SGK3: variants seen among roughly 807,000 people sequenced by gnomAD.
The protein encoded by SGK3 is serine/threonine-protein kinase Sgk3.
Under a neutral mutation model 68.5 loss-of-function variants are expected in SGK3, and 47 were observed. That is an observed-to-expected ratio of 0.69 (90% CI 0.54 to 0.87). The LOEUF is 0.87. Among genes scored for constraint, SGK3 ranks in the 40% least tolerant of loss-of-function variants. The pLI is 0.00. For missense variants in SGK3, 479 were observed against 575.5 expected, an observed-to-expected ratio of 0.83 and a Z score of 1.72; for synonymous variants, 181 against 189.1, an observed-to-expected ratio of 0.96 and a Z score of 0.35.
At chr8:66,782,048 C>T (rs76378745) in intron 1 of SGK3, among the ~76,000 whole-genome samples, 7 of 152,202 alleles carry the variant, frequency 4.6e-5, no homozygotes, top group African/African-American at 1.7e-4. Flanking sequence ...CAAAGATGTC[C>T]TTTGTTTCTG....
chr8:66,840,321 C>A, intron 12 of SGK3, 74 bp downstream of exon 12: 1 of 1,348,524 alleles, frequency 7.4e-7, no homozygotes, highest in South Asian at 1.4e-5. Flanking sequence ...CAAAAAAAGT[C>A]TCAGAGATTC....
chr8:66,751,851 C>T (rs566293606), intron 1 of SGK3, among the ~76,000 whole-genome samples: 25 of 151,898 alleles, frequency 1.6e-4, no homozygotes, highest in Non-Finnish European at 2.4e-4. Context: ...CCGCAACCTC[C>T]GACTCCCGGG....
chr8:66,719,920 A>G (rs762893379), intron 1 of SGK3, among the ~76,000 whole-genome samples: 2 of 152,198 alleles, frequency 1.3e-5, no homozygotes, highest in Non-Finnish European at 2.9e-5. Flanking sequence ...GTGCATGTGC[A>G]TATCTTCAAT....
chr8:66,799,396 A>G (rs1807834638), intron 3 of SGK3, among the ~76,000 whole-genome samples: 1 of 152,160 alleles, frequency 6.6e-6, no homozygotes, highest in Non-Finnish European at 1.5e-5. Context: ...ACACCATCTA[A>G]AAAAATAAAG....
chr8:66,729,386 G>T (rs1353402716), intron 1 of SGK3, among the ~76,000 whole-genome samples: 4 of 152,026 alleles, frequency 2.6e-5, no homozygotes, highest in Non-Finnish European at 4.4e-5. Flanking sequence ...AACCAGGGAG[G>T]TGGAGCTTGC....
chr8:66,823,251 C>G (rs562588700), intron 6 of SGK3, among the ~76,000 whole-genome samples: 143 of 152,272 alleles, frequency 9.4e-4, no homozygotes, highest in African/African-American at 3.2e-3. Context: ...CACATTACAT[C>G]CCACTTACTC....
At chr8:66,741,490 C>T (rs1805478333) in intron 1 of SGK3, among the ~76,000 whole-genome samples, 2 of 152,032 alleles carry the variant, frequency 1.3e-5, no homozygotes, top group Admixed American at 1.3e-4. Context: ...GTGGAGGTTG[C>T]AGTGAGCTGA....
chr8:66,810,421 C>G (rs796208557), intron 4 of SGK3, among the ~76,000 whole-genome samples: 4 of 152,344 alleles, frequency 2.6e-5, no homozygotes, highest in African/African-American at 9.6e-5. Context: ...ATAAAGTCAG[C>G]TGGGAGCGGT....
At chr8:66,721,542 T>A (rs1271811164) in intron 1 of SGK3, among the ~76,000 whole-genome samples, 1 of 152,192 alleles carries the variant, frequency 6.6e-6, no homozygotes, top group Admixed American at 6.5e-5. Flanking sequence ...AAAGAACTAG[T>A]GGTTTCAACC....
At chr8:66,836,184 A>G (rs1305363667) in intron 10 of SGK3, 110 bp downstream of exon 10, 3 of 1,378,132 alleles carry the variant, frequency 2.2e-6, no homozygotes, top group Non-Finnish European at 2.9e-6. Flanking sequence ...AGCTTTTTAT[A>G]GCAATAATAT....
intron 15 of SGK3, among the ~76,000 whole-genome samples, chr8:66,848,623 C>T (rs191182763): frequency 6.6e-6 from 1 of 152,320 alleles, no homozygotes; most frequent in Admixed American, 6.5e-5. Flanking sequence ...CACCTGTGCA[C>T]TGTATCCTGT....
intron 16 of SGK3, among the ~76,000 whole-genome samples, chr8:66,856,450 G>A (rs947596627): frequency 3.3e-5 from 5 of 152,008 alleles, no homozygotes; most frequent in Admixed American, 6.6e-5. Flanking sequence ...TTTGGATTTG[G>A]GATTGTTTTT....
Position 66,843,540 on chromosome 8 carries a change from A to G in SGK3, c.1067A>G (p.Tyr356Cys). ...GGGGCTGTTCTGTATGAAATGCTGT[A>G]TGGATTGGTATGTATTTCTATACCT... ...CLGAVLYEML[Y>C]GLPPFYCRDV... The change falls in exon 14 of 17, where the codon TAT (tyrosine) becomes TGT (cysteine). Residue 356 changes from tyrosine to cysteine, a missense_variant. Physicochemically the swap from Tyr to Cys is radical, Grantham distance 194 (BLOSUM62 -2). Transcript: ENST00000521198. 1.9e-6 allele frequency: 3 copies of G among 1,613,548 alleles called. No homozygotes were observed. The highest frequency in any genetic ancestry group is 1.7e-6 in the Non-Finnish European group (2 of 1,179,710).
intron 1 of SGK3, among the ~76,000 whole-genome samples, chr8:66,752,584 G>A (rs1279793357): frequency 1.3e-5 from 2 of 152,014 alleles, no homozygotes; most frequent in East Asian, 3.9e-4. Flanking sequence ...GAGTTACCCT[G>A]TGAAAAACTG....
chr8:66,836,771 CTTTT>C (rs35857638), intron 10 of SGK3, among the ~76,000 whole-genome samples: 2 of 118,096 alleles, frequency 1.7e-5, no homozygotes, highest in Non-Finnish European at 1.8e-5. Flanking sequence ...GTCAGGATAT[CTTTT>C]TTTTTTTTTT....
intron 1 of SGK3, chr8:66,775,142 C>A (rs1361642158): frequency 4.6e-5 from 7 of 152,388 alleles, no homozygotes; most frequent in African/African-American, 1.7e-4. Flanking sequence ...CGGGCGTGGC[C>A]GGTGGTGATT....
rs1012759316 is a variant in SGK3, at chr8:66,812,512, C to T, written c.254-1341C>T. Among the ~76,000 whole-genome samples, 11 of 151,474 alleles carry T rather than the reference C, an allele frequency of 7.3e-5. No individual in the cohort carries two copies. The East Asian group carries it at 1.8e-3, about 24-fold the overall frequency. ...GGTGAAGTTTGCAGTGAGCTGAGAT[C>T]GCGCCACTGCACTCCAGCCTGGGTG... On this transcript the variant is annotated intron_variant, in intron 4 of 16. Coordinates refer to ENST00000521198, the MANE Select transcript of SGK3 (RefSeq NM_001033578.3).
At chr8:66,854,515 G>A (rs1810422074) in intron 16 of SGK3, among the ~76,000 whole-genome samples, 1 of 152,184 alleles carries the variant, frequency 6.6e-6, no homozygotes, top group Non-Finnish European at 1.5e-5. Context: ...AGGTGGGTCT[G>A]GACCTGGGGG....
At chr8:66,751,063 G>T (rs958238692) in intron 1 of SGK3, among the ~76,000 whole-genome samples, 1 of 151,958 alleles carries the variant, frequency 6.6e-6, no homozygotes, top group Non-Finnish European at 1.5e-5. Context: ...ACTTTGGGAG[G>T]CTGAGGTGGG....
Sources: gnomAD v4.1 joint callset for allele counts (sites outside exome capture counted in the v4.1 genomes callset) on GRCh38, gnomAD v4.1.1 for gene constraint, MANE v1.5 for transcripts, NCBI Gene and HGNC (gene_info 2026-07-23, HGNC 2026-07-21) for gene names.